Variants in DCAKD observed in about 807,000 individuals in gnomAD.
DCAKD encodes the protein dephospho-CoA kinase domain containing.
Under a neutral mutation model 18.7 loss-of-function variants are expected in DCAKD, and 15 were observed. The observed-to-expected ratio is 0.80, with a 90% CI of 0.54 to 1.24. The LOEUF (loss-of-function observed/expected upper bound fraction) is 1.24, where lower values mean the gene tolerates loss of function less well. Ranked by LOEUF, DCAKD falls within the 50% of genes most tolerant of loss-of-function variation. The pLI, the probability that DCAKD is intolerant of heterozygous loss-of-function variation, is 0.00. For missense variants in DCAKD, 301 were observed against 322.0 expected (o/e 0.93, Z 0.50); for synonymous variants, 130 against 133.0 (o/e 0.98, Z 0.16).
intron 1 of DCAKD, among the ~76,000 whole-genome samples, chr17:45,037,694 A>G (rs960665506): frequency 2.6e-5 from 4 of 151,802 alleles, no homozygotes; most frequent in African/African-American, 9.7e-5. Flanking sequence ...TCCTGACCTC[A>G]GGTGATCCAC....
At chr17:45,044,317 A>G (rs921011489) in intron 1 of DCAKD, among the ~76,000 whole-genome samples, 78 of 152,044 alleles carry the variant, frequency 5.1e-4, no homozygotes, top group African/African-American at 1.7e-3. Flanking sequence ...TCTCTGCCCA[A>G]TCGTCCCCCC....
At position 45,035,014 on chromosome 17, in the gene DCAKD, C is replaced by CACAGACCAACCTCAAAGAACAGCA; in HGVS notation, c.-114-16_-114-15insTGCTGTTCTTTGAGGTTGGTCTGT. 1.1e-6 allele frequency: 1 copy of CACAGACCAACCTCAAAGAACAGCA among 884,858 alleles called. No homozygotes were observed. 54.8% of individuals were successfully genotyped at this position (884,858 alleles called of 1,614,324 possible). A position where few individuals can be genotyped will look rare whatever the true frequency, so the allele number is the denominator to read the frequency against. On this transcript the variant is annotated splice_polypyrimidine_tract_variant and intron_variant, in intron 1 of 4. Transcript: ENST00000651974. Reference sequence around the variant, plus strand: ...GCCAGAAGGACCTGCTTGGGAGAGGCCAGCGGGACTGATCAGTTTGGGCCA... The same window carrying CACAGACCAACCTCAAAGAACAGCA: ...GCCAGAAGGACCTGCTTGGGAGAGGCACAGACCAACCTCAAAGAACAGCACAGCGGGACTGATCAGTTTGGGCCA...
rs1001382595 is a variant in DCAKD, at chr17:45,030,620, T to G, written c.317-441A>C. 3.9e-5 allele frequency among the ~76,000 whole-genome samples: 6 copies of G among 152,312 alleles called. No individual in the cohort carries two copies. The East Asian group carries it at 1.2e-3, about 29-fold the overall frequency. On this transcript the variant is annotated intron_variant, in intron 3 of 4. Coordinates refer to ENST00000651974, the MANE Select transcript of DCAKD (RefSeq NM_001288655.2). Reference sequence around the variant, plus strand: ...TTGATCTTAAATCTCAAGTTGTTATTTCTCAGAAACAAACAAACAAACAAA... The same window carrying G: ...TTGATCTTAAATCTCAAGTTGTTATGTCTCAGAAACAAACAAACAAACAAA...
At chr17:45,029,099 GC>G (rs1226352133) in intron 4 of DCAKD, among the ~76,000 whole-genome samples, 1 of 152,244 alleles carries the variant, frequency 6.6e-6, no homozygotes, top group Non-Finnish European at 1.5e-5. Flanking sequence ...CGTGGGGTTT[GC>G]CTGACCTTAG....
Position 45,034,344 on chromosome 17 carries a change from G to C in DCAKD, c.159C>G (p.Phe53Leu). The C allele has an allele frequency of 6.2e-7, 1 of 1,614,020 alleles. No homozygotes were observed. Among genetic ancestry groups the C allele is most frequent in the South Asian group, 1.1e-5 (1 of 91,078 alleles). The change falls in exon 3 of 5, where the codon TTC (phenylalanine) becomes TTG (leucine). Residue 53 changes from phenylalanine to leucine, a missense_variant. By Grantham distance (22) the Phe-to-Leu change is conservative (BLOSUM62 0). Coordinates refer to ENST00000651974, the MANE Select transcript of DCAKD (RefSeq NM_001288655.2). ...CGTTCTCCAGCAAGACCTCAGTGCC[G>C]AAGACCTCTACGATGCGCCGGTGGG... ...YPAHRRIVEV[F>L]GTEVLLENGD...
At chr17:45,054,295 T>C (rs1386820990), upstream of DCAKD, among the ~76,000 whole-genome samples, 1 of 151,936 alleles carries the variant, frequency 6.6e-6, no homozygotes, top group East Asian at 1.9e-4. Flanking sequence ...TTGCCTAGGC[T>C]GGAGTACAAT....
chr17:45,040,387 CAA>C (rs34624870), intron 1 of DCAKD, among the ~76,000 whole-genome samples: 150 of 80,300 alleles, frequency 1.9e-3, no homozygotes, highest in Middle Eastern at 5.8e-3. Flanking sequence ...GACTCCATCT[CAA>C]AAAAAAAAAA....
intron 1 of DCAKD, among the ~76,000 whole-genome samples, chr17:45,040,217 A>G (rs1054998123): frequency 2.0e-5 from 3 of 151,256 alleles, no homozygotes; most frequent in Non-Finnish European, 2.9e-5. Context: ...GAGAAACGCC[A>G]TTTCTACTAA....
Position 45,024,096 on chromosome 17 carries a change from T to G in DCAKD, c.*337A>C, listed in dbSNP as rs2052997881. 3.9e-6 allele frequency: 1 copy of G among 253,608 alleles called. No homozygotes were observed. Among genetic ancestry groups the G allele is most frequent in the Non-Finnish European group, 7.7e-6 (1 of 129,504 alleles). The allele number at this position is 253,608 out of a possible 1,614,324, so 15.7% of individuals were successfully genotyped here. A position where few individuals can be genotyped will look rare whatever the true frequency, so the allele number is the denominator to read the frequency against. ...CTGAGGAGGGCCACAGAGCCAGTAT[T>G]CCCTACCCCCACCCACAGAAATGTA... On this transcript the variant is annotated 3_prime_UTR_variant, in exon 5 of 5. Coordinates refer to ENST00000651974, the MANE Select transcript of DCAKD (RefSeq NM_001288655.2).
chr17:45,035,884 T>C (rs1287889634), intron 1 of DCAKD, among the ~76,000 whole-genome samples: 1 of 152,118 alleles, frequency 6.6e-6, no homozygotes, highest in Non-Finnish European at 1.5e-5. Context: ...CCTGGGTAGC[T>C]GATATAGATG....
intron 1 of DCAKD, among the ~76,000 whole-genome samples, chr17:45,045,385 G>A (rs1366952834): frequency 6.6e-6 from 1 of 152,042 alleles, no homozygotes; most frequent in African/African-American, 2.4e-5. Context: ...TCTAAATCTG[G>A]GTACTGCTGT....
chr17:45,024,101 AC>A lies in DCAKD; in HGVS notation c.*331del. On this transcript the variant is annotated 3_prime_UTR_variant, in exon 5 of 5. Transcript: ENST00000651974. ...GAGGGCCACAGAGCCAGTATTCCCT[AC>A]CCCCACCCACAGAAATGTATAGCAG... 3.8e-6 allele frequency: 1 copy of A among 259,802 alleles called. No individual in the cohort carries two copies. The highest frequency in any genetic ancestry group is 7.5e-6 in the Non-Finnish European group (1 of 133,258). The allele number at this position is 259,802 out of a possible 1,614,324, so 16.1% of individuals were successfully genotyped here. A position where few individuals can be genotyped will look rare whatever the true frequency, so the allele number is the denominator to read the frequency against.
intron 1 of DCAKD, among the ~76,000 whole-genome samples, chr17:45,039,945 T>C (rs908256183): frequency 6.7e-6 from 1 of 149,598 alleles, no homozygotes; most frequent in Non-Finnish European, 1.5e-5. Flanking sequence ...ATACAAAAAT[T>C]AGCTGGGCGT....
At chr17:45,043,230 TG>T (rs2053480040) in intron 1 of DCAKD, among the ~76,000 whole-genome samples, 1 of 150,250 alleles carries the variant, frequency 6.7e-6, no homozygotes, top group African/African-American at 2.5e-5. Flanking sequence ...CACTCCAGCC[TG>T]GGTGACAGAG....
In DCAKD at chr17:45,047,205, GA is replaced by G. The variant is rs147854524; in HGVS notation, c.-115+4155del. Among the ~76,000 whole-genome samples the G allele has an allele frequency of 7.3e-3, 1,043 of 142,960 alleles. 17 individuals are homozygous for G. The highest frequency in any genetic ancestry group is 0.026 in the African/African-American group (1,005 of 38,936). The allele number at this position is 142,960 out of a possible 152,430, so 93.8% of individuals were successfully genotyped here. ...AACTTTTTCAATGGTTACAGCCAAA[GA>G]AAAAAAAAAGCACTCTGCTCACTCT... On this transcript the variant is annotated intron_variant, in intron 1 of 4. Coordinates refer to ENST00000651974, the MANE Select transcript of DCAKD (RefSeq NM_001288655.2).
Position 45,024,590 on chromosome 17 carries a change from C to T in DCAKD, c.539G>A (p.Gly180Asp). 6.2e-7 allele frequency: 1 copy of T among 1,614,198 alleles called. No individual in the cohort carries two copies. Among genetic ancestry groups the T allele is most frequent in the South Asian group, 1.1e-5 (1 of 91,084 alleles). Residue 180 changes from glycine (G) to aspartate (D), a missense_variant, in exon 5 of 5, where the codon GGC (glycine) becomes GAC (aspartate). Coordinates refer to ENST00000651974, the MANE Select transcript of DCAKD (RefSeq NM_001288655.2). Reference protein sequence around the residue: ...RMARHVLDNSGEWSVTKRQVI... With the variant: ...RMARHVLDNSDEWSVTKRQVI... ...CTGGCGTTTGGTGACACTCCACTCG[C>T]CCGAGTTGTCTAGGACATGGCGGGC...
At chr17:45,025,639 T>C (rs916546731) in intron 4 of DCAKD, among the ~76,000 whole-genome samples, 6 of 152,126 alleles carry the variant, frequency 3.9e-5, no homozygotes, top group African/African-American at 1.4e-4. Context: ...CACAAGGGGT[T>C]GCAGCAGCTG....
At position 45,034,922 on chromosome 17, in the gene DCAKD, C is replaced by T. The variant is rs776848951; in HGVS notation, c.-37G>A. 2.2e-5 allele frequency: 35 copies of T among 1,605,846 alleles called. No individual in the cohort carries two copies. The highest frequency in any genetic ancestry group is 3.0e-5 in the Non-Finnish European group (35 of 1,174,156). ...GAGAGCTGTCCGCGAGACTACGGAG[C>T]CAGGAGCTACAGAATCACTGGAGAG... On this transcript the variant is annotated 5_prime_UTR_variant, in exon 2 of 5. Coordinates refer to ENST00000651974, the MANE Select transcript of DCAKD (RefSeq NM_001288655.2).
chr17:45,048,960 C>T (rs763552777), intron 1 of DCAKD, among the ~76,000 whole-genome samples: 1 of 150,984 alleles, frequency 6.6e-6, no homozygotes, highest in Non-Finnish European at 1.5e-5. Context: ...CGAAAGCCTG[C>T]AGTCCCAGCT....
Sources: allele counts gnomAD v4.1 joint callset (sites outside exome capture counted in the v4.1 genomes callset), GRCh38; gene constraint gnomAD v4.1.1; transcripts MANE v1.5; gene names NCBI Gene and HGNC (gene_info 2026-07-23, HGNC 2026-07-21).